Variants in TF observed in about 807,000 individuals in gnomAD.
TF encodes the protein serotransferrin.
A neutral mutation model predicts 82.4 loss-of-function variants in TF; 55 were observed. The ratio of observed to expected loss-of-function variants is 0.67; its 90% CI spans 0.54 to 0.84. TF has a LOEUF of 0.84. Among genes scored for constraint, TF ranks in the 40% least tolerant of loss-of-function variants. TF has a pLI of 0.00. For synonymous variants in TF, 332 were observed against 332.6 expected, an observed-to-expected ratio of 1.00 and a Z score of 0.02; for missense variants, 737 against 868.4, an observed-to-expected ratio of 0.85 and a Z score of 1.90.
At chr3:133,764,973 G>C (rs1195338337) in intron 11 of TF, 66 bp downstream of exon 11, 9 of 1,556,118 alleles carry the variant, frequency 5.8e-6, no homozygotes, top group African/African-American at 4.1e-5. Flanking sequence ...GAATTGGTTA[G>C]ATTTAAAATT....
intron 12 of TF, among the ~76,000 whole-genome samples, chr3:133,766,677 A>G (rs887758041): frequency 3.3e-5 from 5 of 152,210 alleles, no homozygotes; most frequent in African/African-American, 7.2e-5. Context: ...GTGAATATAC[A>G]TTTATCTCTC....
chr3:133,681,418 A>T, the TF span, among the ~76,000 whole-genome samples: 2 of 152,226 alleles, frequency 1.3e-5, no homozygotes, highest in Admixed American at 1.3e-4. Context: ...CTCACCTGGG[A>T]AGTGCAAGGG....
chr3:133,674,304 C>A, the TF span, among the ~76,000 whole-genome samples: 2 of 152,316 alleles, frequency 1.3e-5, no homozygotes, highest in East Asian at 1.9e-4. Context: ...TGTAAAGCGG[C>A]CAGACTAGTG....
chr3:133,686,964 G>A, the TF span, among the ~76,000 whole-genome samples: 57 of 152,306 alleles, frequency 3.7e-4, 1 homozygote, highest in South Asian at 7.7e-3. Flanking sequence ...ATCAACAATA[G>A]ACTGGATTAA....
chr3:133,664,415 G>A, the TF span, among the ~76,000 whole-genome samples: 2 of 152,078 alleles, frequency 1.3e-5, no homozygotes, highest in African/African-American at 4.8e-5. Context: ...CTCCACCCCC[G>A]GGGTTCAAGC....
At chr3:133,743,298 C>T (rs983591639), upstream of TF, among the ~76,000 whole-genome samples, 2 of 152,250 alleles carry the variant, frequency 1.3e-5, no homozygotes, top group Non-Finnish European at 2.9e-5. Flanking sequence ...TGAGCATAAT[C>T]AAGCCAGTCC....
At chr3:133,698,386 T>C in the TF span, among the ~76,000 whole-genome samples, 3 of 152,228 alleles carry the variant, frequency 2.0e-5, no homozygotes, top group Non-Finnish European at 4.4e-5. Flanking sequence ...CAAAGTACCA[T>C]GAACTGGGTG....
chr3:133,737,318 G>A, the TF span, among the ~76,000 whole-genome samples: 3 of 152,112 alleles, frequency 2.0e-5, no homozygotes, highest in African/African-American at 4.8e-5. Flanking sequence ...CTAAAGCAGG[G>A]TTTAGAGGGA....
At chr3:133,674,628 G>A in the TF span, among the ~76,000 whole-genome samples, 97 of 152,168 alleles carry the variant, frequency 6.4e-4, no homozygotes, top group Non-Finnish European at 1.1e-3. Context: ...GCGCCCTGCT[G>A]TGCGCCGGGG....
the TF span, among the ~76,000 whole-genome samples, chr3:133,729,846 A>T: frequency 2.7e-5 from 4 of 150,906 alleles, no homozygotes; most frequent in Non-Finnish European, 5.9e-5. Context: ...CTCTTTGTTG[A>T]TTTTTTTCAT....
At chr3:133,738,806 A>G in the TF span, among the ~76,000 whole-genome samples, 1 of 152,236 alleles carries the variant, frequency 6.6e-6, no homozygotes, top group Non-Finnish European at 1.5e-5. Flanking sequence ...GCTCAACTAA[A>G]TAACAGAGGA....
intron 9 of TF, among the ~76,000 whole-genome samples, chr3:133,760,121 C>T (rs1933949979): frequency 6.6e-6 from 1 of 152,108 alleles, no homozygotes; most frequent in African/African-American, 2.4e-5. Context: ...CCAAGCTCCA[C>T]TCCCCCTCCT....
rs1933558996 is a variant in TF at position 133,748,232 on chromosome 3, C to T, written c.44-180C>T. ...GTAGGAAACTGGGAGGCCATTAGGG[C>T]AACCTTCTATTGGCTCAGACTCAGA... On this transcript the variant is annotated intron_variant, in intron 1 of 16. Transcript: ENST00000402696. The T allele has an allele frequency of 6.1e-6, 5 of 814,276 alleles. No homozygotes were observed. In the Admixed American group the frequency reaches 1.1e-4, roughly 18 times the overall value. The allele number at this position is 814,276 out of a possible 1,614,324, so 50.4% of individuals were successfully genotyped here.
chr3:133,758,369 G>C (rs1933897991), intron 8 of TF, among the ~76,000 whole-genome samples: 1 of 152,170 alleles, frequency 6.6e-6, no homozygotes. Context: ...GAGTCACTGT[G>C]GTTTTGCTTG....
At chr3:133,739,689 T>G in the TF span, among the ~76,000 whole-genome samples, 26 of 149,762 alleles carry the variant, frequency 1.7e-4, no homozygotes, top group Non-Finnish European at 2.7e-4. Flanking sequence ...AAAGGATATG[T>G]CACAAAAGAA....
chr3:133,748,341 T>C, intron 1 of TF, 71 bp from the exon 2 acceptor site: 1 of 1,603,292 alleles, frequency 6.2e-7, no homozygotes, highest in African/African-American at 1.3e-5. Context: ...GTCAAGGCCT[T>C]TCTAGGGGCG....
chr3:133,773,485 TTG>T (rs68187578), intron 14 of TF: 19,910 of 148,830 alleles, frequency 0.13, 1,380 homozygotes, highest in South Asian at 0.2. Flanking sequence ...TTATCACAAT[TTG>T]TGTGTGTGTG....
intron 16 of TF, chr3:133,778,333 T>G: frequency 2.5e-6 from 1 of 395,124 alleles, no homozygotes; most frequent in Non-Finnish European, 4.8e-6. Flanking sequence ...GCCTCGCCCA[T>G]AAGAAACAAG....
At chr3:133,728,967 C>T in the TF span, among the ~76,000 whole-genome samples, 238 of 152,308 alleles carry the variant, frequency 1.6e-3, 1 homozygote, top group African/African-American at 5.4e-3. Flanking sequence ...TGCAGAACAG[C>T]GGATTTTTGT....
Sources: allele counts gnomAD v4.1 joint callset (sites outside exome capture counted in the v4.1 genomes callset), GRCh38; gene constraint gnomAD v4.1.1; transcripts MANE v1.5; gene names NCBI Gene and HGNC (gene_info 2026-07-23, HGNC 2026-07-21).